The following VAT1L variants were observed in gnomAD, a reference collection of about 807,000 sequenced individuals.
VAT1L encodes putative NADPH-dependent quinone oxidoreductase VAT1L.
In VAT1L, 34 loss-of-function variants were observed where a neutral mutation model predicts 44.1. The ratio of observed to expected loss-of-function variants is 0.77; its 90% CI spans 0.59 to 1.03. The LOEUF (loss-of-function observed/expected upper bound fraction) is 1.03. Ranked by LOEUF, VAT1L falls within the 50% of genes least tolerant of loss-of-function variation. VAT1L has a pLI of 0.00. For missense variants in VAT1L, 615 were observed against 538.8 expected (o/e 1.14, Z -1.40); for synonymous variants, 253 against 202.2 (o/e 1.25, Z -2.13).
chr16:77,922,001 G>A (rs1427911475), intron 7 of VAT1L, among the ~76,000 whole-genome samples: 1 of 152,074 alleles, frequency 6.6e-6, no homozygotes, highest in South Asian at 2.1e-4. Context: ...TCTTGCCTCA[G>A]CCTCCCAAAT....
At chr16:77,932,931 G>T (rs2017749215) in intron 7 of VAT1L, among the ~76,000 whole-genome samples, 1 of 152,178 alleles carries the variant, frequency 6.6e-6, no homozygotes, top group Admixed American at 6.5e-5. Flanking sequence ...AGAAACAGAG[G>T]GACATTGGTA....
At chr16:77,918,758 C>A (rs1567508218) in intron 7 of VAT1L, among the ~76,000 whole-genome samples, 1 of 152,146 alleles carries the variant, frequency 6.6e-6, no homozygotes, top group Non-Finnish European at 1.5e-5. Flanking sequence ...CTTACTTTGC[C>A]CATTTTTCTC....
chr16:77,843,819 G>A (rs972123251), intron 3 of VAT1L, among the ~76,000 whole-genome samples: 5 of 152,286 alleles, frequency 3.3e-5, no homozygotes, highest in African/African-American at 4.8e-5. Context: ...CCAGCCATGC[G>A]ACCCCACAGC....
chr16:77,906,758 T>G (rs574357439), intron 7 of VAT1L, among the ~76,000 whole-genome samples: 10 of 152,214 alleles, frequency 6.6e-5, no homozygotes, highest in African/African-American at 2.4e-4. Flanking sequence ...TGCATGTGAG[T>G]GGGCTGCCCT....
At chr16:77,975,661 A>G (rs2018331586) in intron 8 of VAT1L, among the ~76,000 whole-genome samples, 1 of 152,246 alleles carries the variant, frequency 6.6e-6, no homozygotes, top group Admixed American at 6.5e-5. Flanking sequence ...CTCCAGAAGT[A>G]AATTTCCTGG....
Position 77,818,969 on chromosome 16 carries a change from G to T in VAT1L, c.363+1919G>T, listed in dbSNP as rs377524941. ...TGTCACCGGAGGCCGGGTAATAAAG[G>T]AATAACTTGGGTGCATTTTGGCCAG... On this transcript the variant is annotated intron_variant, in intron 2 of 8. Transcript: ENST00000302536. Among the ~76,000 whole-genome samples, 99 of 152,118 alleles carry T rather than the reference G, an allele frequency of 6.5e-4. No individual in the cohort carries two copies. The Middle Eastern group carries it at 0.014, about 21-fold the overall frequency.
intron 4 of VAT1L, among the ~76,000 whole-genome samples, chr16:77,874,912 G>A (rs1009400533): frequency 8.6e-5 from 13 of 150,762 alleles, no homozygotes; most frequent in African/African-American, 1.5e-4. Flanking sequence ...TTCTCAGAGC[G>A]TGGAGCTGGA....
intron 7 of VAT1L, among the ~76,000 whole-genome samples, chr16:77,955,051 C>G (rs1221253768): frequency 6.6e-6 from 1 of 152,084 alleles, no homozygotes; most frequent in Non-Finnish European, 1.5e-5. Context: ...TTCATGAGCG[C>G]CTATTGAGCT....
In VAT1L at chr16:77,806,454, C is replaced by T. The variant is rs528415858; in HGVS notation, c.234-10467C>T. Among the ~76,000 whole-genome samples, 1,000 of 150,608 alleles carry T rather than the reference C, an allele frequency of 6.6e-3. 18 individuals carry two copies. Among genetic ancestry groups the T allele is most frequent in the African/African-American group, 0.024 (968 of 40,956 alleles). ...TCGATTTCCTGACCTCGTGATCTGC[C>T]CACCTCGGCCTCCCAAAGTGTTGGG... On this transcript the variant is annotated intron_variant, in intron 1 of 8. Transcript: ENST00000302536.
intron 3 of VAT1L, among the ~76,000 whole-genome samples, chr16:77,826,693 A>G (rs991424156): frequency 2.0e-5 from 3 of 152,174 alleles, no homozygotes; most frequent in African/African-American, 7.2e-5. Context: ...TCATTGGTCT[A>G]CTGGGGTCTG....
chr16:77,938,324 T>G (rs185066039), intron 7 of VAT1L, among the ~76,000 whole-genome samples: 180 of 152,360 alleles, frequency 1.2e-3, no homozygotes, highest in Middle Eastern at 3.4e-3. Context: ...TGTATGCACT[T>G]GGGATATACC....
At chr16:77,830,068 G>A (rs118163251) in intron 3 of VAT1L, among the ~76,000 whole-genome samples, 2,646 of 152,124 alleles carry the variant, frequency 0.017, 30 homozygotes, top group South Asian at 0.032. Context: ...CATGAGATGC[G>A]CCTCTATTCT....
At chr16:77,826,169 T>C (rs1212139514) in intron 3 of VAT1L, among the ~76,000 whole-genome samples, 1 of 148,370 alleles carries the variant, frequency 6.7e-6, no homozygotes, top group East Asian at 2.0e-4. Flanking sequence ...ATCCCGCCAC[T>C]GCACTCCAGC....
intron 7 of VAT1L, among the ~76,000 whole-genome samples, chr16:77,901,814 T>A (rs1477294237): frequency 2.6e-5 from 4 of 152,178 alleles, no homozygotes; most frequent in East Asian, 1.9e-4. Context: ...CTAACCAATG[T>A]CCAGCGCAAC....
intron 7 of VAT1L, among the ~76,000 whole-genome samples, chr16:77,923,389 G>A (rs1487698656): frequency 6.6e-6 from 1 of 152,230 alleles, no homozygotes; most frequent in East Asian, 1.9e-4. Context: ...GGCAGAGGTT[G>A]CAGTGAGCCA....
intron 7 of VAT1L, among the ~76,000 whole-genome samples, chr16:77,968,845 G>C (rs768696306): frequency 1.5e-4 from 23 of 152,002 alleles, no homozygotes; most frequent in Non-Finnish European, 3.4e-4. Flanking sequence ...TTTAAAGACA[G>C]TCTCGCTCTG....
rs376627494 is a variant in VAT1L at position 77,831,844 on chromosome 16, C to A, written c.579+6383C>A. Among the ~76,000 whole-genome samples the A allele has an allele frequency of 1.7e-3, 255 of 151,940 alleles. 2 individuals carry two copies. The highest frequency in any genetic ancestry group is 0.01 in the Middle Eastern group (3 of 294). The stretch of plus-strand genomic sequence containing the variant: ...TTTTCTTTTTTTTTGGAGATGGAGT[C>A]TCACTCTGTCACCCAGGCTGGAGTG... On this transcript the variant is annotated intron_variant, in intron 3 of 8. Coordinates refer to ENST00000302536, the MANE Select transcript of VAT1L (RefSeq NM_020927.3).
chr16:77,946,756 G>A (rs1304047709), intron 7 of VAT1L, among the ~76,000 whole-genome samples: 1 of 152,150 alleles, frequency 6.6e-6, no homozygotes, highest in Non-Finnish European at 1.5e-5. Flanking sequence ...CAAACTCTTG[G>A]TTATGGAGAC....
intron 1 of VAT1L, among the ~76,000 whole-genome samples, chr16:77,803,483 G>A (rs551631462): frequency 7.0e-5 from 10 of 143,852 alleles, no homozygotes; most frequent in Admixed American, 3.7e-4. Context: ...GCAATGGTGC[G>A]ATCTCGGCTC....
Sources: gnomAD v4.1 joint callset for allele counts (sites outside exome capture counted in the v4.1 genomes callset) on GRCh38, gnomAD v4.1.1 for gene constraint, MANE v1.5 for transcripts, NCBI Gene and HGNC (gene_info 2026-07-23, HGNC 2026-07-21) for gene names.